TMEM135: variants seen among roughly 807,000 people sequenced by gnomAD.
TMEM135 encodes the protein transmembrane protein 135.
In TMEM135, 30 loss-of-function variants were observed where a neutral mutation model predicts 60.3. The observed-to-expected ratio is 0.50, with a 90% CI of 0.37 to 0.68. TMEM135 has a LOEUF of 0.68. Among genes scored for constraint, TMEM135 ranks in the 30% least tolerant of loss-of-function variants. The pLI is 0.00. For synonymous variants in TMEM135, 190 were observed against 186.7 expected, an observed-to-expected ratio of 1.02 and a Z score of -0.14; for missense variants, 468 against 548.8, an observed-to-expected ratio of 0.85 and a Z score of 1.47.
At chr11:87,246,015 C>T (rs1433103772) in intron 6 of TMEM135, among the ~76,000 whole-genome samples, 1 of 145,768 alleles carries the variant, frequency 6.9e-6, no homozygotes, top group Non-Finnish European at 1.5e-5. Flanking sequence ...ATGTTTAGTG[C>T]TTCCTTCAGG....
intron 6 of TMEM135, among the ~76,000 whole-genome samples, chr11:87,269,692 G>A (rs896801968): frequency 6.0e-5 from 9 of 151,174 alleles, no homozygotes; most frequent in African/African-American, 1.9e-4. Context: ...TTTTATGGCT[G>A]CATAGTATTC....
At chr11:87,207,065 A>G (rs1412450947) in intron 5 of TMEM135, among the ~76,000 whole-genome samples, 1 of 152,206 alleles carries the variant, frequency 6.6e-6, no homozygotes, top group East Asian at 1.9e-4. Flanking sequence ...AGCTACTACT[A>G]TAATCAGATA....
chr11:87,081,115 A>G (rs551029094), intron 3 of TMEM135, among the ~76,000 whole-genome samples: 10 of 151,666 alleles, frequency 6.6e-5, no homozygotes, highest in African/African-American at 2.4e-4. Flanking sequence ...AGCAGATAAT[A>G]TACAGTGGGG....
chr11:87,155,485 CTTTT>C (rs1938669068), intron 4 of TMEM135, among the ~76,000 whole-genome samples: 1 of 152,084 alleles, frequency 6.6e-6, no homozygotes, highest in Admixed American at 6.6e-5. Flanking sequence ...TAACTTCATT[CTTTT>C]ATATGTGGAT....
intron 4 of TMEM135, among the ~76,000 whole-genome samples, chr11:87,098,339 A>C (rs1377772252): frequency 6.6e-6 from 1 of 152,164 alleles, no homozygotes; most frequent in East Asian, 1.9e-4. Context: ...AGGTTGGTGC[A>C]AAAGTAATGG....
At chr11:87,221,260 C>T (rs1399188568) in intron 5 of TMEM135, among the ~76,000 whole-genome samples, 1 of 152,126 alleles carries the variant, frequency 6.6e-6, no homozygotes, top group Non-Finnish European at 1.5e-5. Context: ...TTCTTAGATG[C>T]AGGCATTATG....
chr11:87,203,622 G>A (rs115735568), intron 5 of TMEM135, among the ~76,000 whole-genome samples: 107 of 152,098 alleles, frequency 7.0e-4, no homozygotes, highest in African/African-American at 2.5e-3. Context: ...AGAACATCTC[G>A]GTTGCTTCTA....
intron 1 of TMEM135, among the ~76,000 whole-genome samples, chr11:87,066,617 A>AG (rs1491134251): frequency 4.7e-5 from 6 of 128,954 alleles, no homozygotes; most frequent in Non-Finnish European, 6.4e-5. Context: ...AAAAAAAAAA[A>AG]GGTTTTCAAT....
At chr11:87,139,102 A>G (rs1938193478) in intron 4 of TMEM135, among the ~76,000 whole-genome samples, 1 of 152,170 alleles carries the variant, frequency 6.6e-6, no homozygotes, top group South Asian at 2.1e-4. Context: ...AGAAGTTTAT[A>G]TGAATTTAAG....
At chr11:87,095,149 C>A (rs1857294902) in intron 4 of TMEM135, 3 of 181,092 alleles carry the variant, frequency 1.7e-5, no homozygotes, top group East Asian at 1.3e-4. Context: ...ACATCCACAT[C>A]CCCAAAGTAA....
chr11:87,263,672 G>T (rs552654351), intron 6 of TMEM135, among the ~76,000 whole-genome samples: 2 of 152,174 alleles, frequency 1.3e-5, no homozygotes, highest in African/African-American at 4.8e-5. Flanking sequence ...AAGTTTCACA[G>T]AATCATAGGG....
At chr11:87,285,811 T>G (rs1942154416) in intron 6 of TMEM135, among the ~76,000 whole-genome samples, 1 of 152,124 alleles carries the variant, frequency 6.6e-6, no homozygotes, top group African/African-American at 2.4e-5. Flanking sequence ...TGCTGATTGG[T>G]CCATTTTACA....
rs548860156 is a variant in TMEM135 at position 87,061,055 on chromosome 11, G to C, written c.142-6639G>C. 1.8e-3 allele frequency among the ~76,000 whole-genome samples: 267 copies of C among 152,268 alleles called. 3 individuals are homozygous for C. The highest frequency in any genetic ancestry group is 6.0e-3 in the African/African-American group (251 of 41,554). ...AGCATCTAAACAAGGATTTTTCATA[G>C]AAATAGTTGTGGGGTAAAGATTGTT... On this transcript the variant is annotated intron_variant, in intron 1 of 14. Transcript: ENST00000305494.
Position 87,067,687 on chromosome 11 carries a change from T to C in TMEM135, c.142-7T>C. ...TGGATTAAACAAAAAATCCTTTCTC[T>C]TTCCAGATTGCAGCAATTCTCCGGA... is the stretch of plus-strand genomic sequence containing the variant. On this transcript the variant is annotated splice_polypyrimidine_tract_variant and splice_region_variant and intron_variant, in intron 1 of 14. Transcript: ENST00000305494. 1.2e-6 allele frequency: 2 copies of C among 1,613,534 alleles called. No homozygotes were observed. The highest frequency in any genetic ancestry group is 1.7e-6 in the Non-Finnish European group (2 of 1,179,704).
chr11:87,253,632 CATAT>C (rs60680451), intron 6 of TMEM135, among the ~76,000 whole-genome samples: 1 of 128,360 alleles, frequency 7.8e-6, no homozygotes, highest in Admixed American at 8.8e-5. Context: ...AAGGATGAGC[CATAT>C]ATATATATAT....
In TMEM135 at chr11:87,302,404, G is replaced by T; in HGVS notation, c.660G>T (p.Met220Ile). The change falls in exon 8 of 15, where the codon ATG becomes ATT. Residue 220 changes from methionine to isoleucine, a missense_variant. Physicochemically the swap from Met to Ile is conservative, Grantham distance 10. Transcript: ENST00000305494. Reference protein sequence around the residue: ...REQHEEKPGRMNMIGLVRKFV... With the variant: ...REQHEEKPGRINMIGLVRKFV... ...AACATGAGGAAAAACCCGGAAGAAT[G>T]AATATGATTGGTCTAGTCAGGAAAT... The T allele has an allele frequency of 3.7e-6, 6 of 1,613,866 alleles. No homozygotes were observed. The African/African-American group carries it at 6.7e-5, about 18-fold the overall frequency.
chr11:87,279,055 G>A (rs1382188597), intron 6 of TMEM135, among the ~76,000 whole-genome samples: 3 of 151,828 alleles, frequency 2.0e-5, no homozygotes, highest in Non-Finnish European at 4.4e-5. Context: ...TAGCTGAGCA[G>A]TATTTTATTA....
At chr11:87,271,567 T>TCTTAC (rs56274642) in intron 6 of TMEM135, among the ~76,000 whole-genome samples, 1 of 151,804 alleles carries the variant, frequency 6.6e-6, no homozygotes, top group African/African-American at 2.4e-5. Context: ...AATGCAAATA[T>TCTTAC]TAATAATATT....
intron 5 of TMEM135, among the ~76,000 whole-genome samples, chr11:87,168,562 A>G (rs1429458500): frequency 2.0e-5 from 3 of 152,098 alleles, no homozygotes; most frequent in Non-Finnish European, 4.4e-5. Flanking sequence ...TTCATTATTT[A>G]CCGAGTAGTC....
Sources: allele counts gnomAD v4.1 joint callset (sites outside exome capture counted in the v4.1 genomes callset), GRCh38; gene constraint gnomAD v4.1.1; transcripts MANE v1.5; gene names NCBI Gene and HGNC (gene_info 2026-07-23, HGNC 2026-07-21).